The following CLIP2 variants were observed in gnomAD, a reference collection of about 807,000 sequenced individuals.
CLIP2 encodes CAP-Gly domain containing linker protein 2.
CLIP2 carries 41 observed loss-of-function variants against 111.7 expected under a neutral mutation model. The ratio of observed to expected loss-of-function variants is 0.37; its 90% CI spans 0.29 to 0.48. The LOEUF is 0.48. CLIP2 is among the 20% of genes least tolerant of loss of function. The pLI is 0.99. For missense variants in CLIP2, 1,160 were observed against 1,422.1 expected (o/e 0.82, Z 2.96); for synonymous variants, 660 against 644.2 (o/e 1.02, Z -0.37).
chr7:74,308,275 C>T (rs229883), intron 1 of CLIP2, among the ~76,000 whole-genome samples: 90,483 of 151,866 alleles, frequency 0.6, 29,620 homozygotes, highest in Non-Finnish European at 0.74. Flanking sequence ...GCCTCCAGTG[C>T]CAGGGACAGG....
intron 3 of CLIP2, among the ~76,000 whole-genome samples, chr7:74,342,616 G>T (rs567380593): frequency 1.5e-4 from 23 of 151,976 alleles, no homozygotes; most frequent in Non-Finnish European, 2.9e-4. Flanking sequence ...ATCGGAGGAG[G>T]CAAGAGTGGA....
At chr7:74,302,102 CTG>C (rs1268842567) in intron 1 of CLIP2, among the ~76,000 whole-genome samples, 4 of 152,096 alleles carry the variant, frequency 2.6e-5, no homozygotes, top group South Asian at 2.1e-4. Flanking sequence ...CATGCCAACT[CTG>C]TGTGTGTGTC....
intron 3 of CLIP2, among the ~76,000 whole-genome samples, chr7:74,343,209 A>G (rs1281325099): frequency 6.6e-6 from 1 of 151,712 alleles, no homozygotes; most frequent in Non-Finnish European, 1.5e-5. Context: ...CAAGAAAAAA[A>G]CCCAGAGTGG....
chr7:74,403,228 AAAAAG>A (rs1300187390), intron 16 of CLIP2, among the ~76,000 whole-genome samples: 8 of 151,684 alleles, frequency 5.3e-5, no homozygotes, highest in African/African-American at 1.4e-4. Context: ...AAAAAAAAAA[AAAAAG>A]AGAGAGAGAT....
At chr7:74,339,948 G>T (rs1166649019) in intron 3 of CLIP2, among the ~76,000 whole-genome samples, 1 of 151,992 alleles carries the variant, frequency 6.6e-6, no homozygotes, top group South Asian at 2.1e-4. Context: ...AACAAAATTA[G>T]CCAGGCATGG....
intron 8 of CLIP2, among the ~76,000 whole-genome samples, chr7:74,366,807 C>T (rs915872825): frequency 2.2e-5 from 3 of 137,968 alleles, no homozygotes; most frequent in Non-Finnish European, 3.1e-5. Flanking sequence ...AATTGGGAGG[C>T]GGCAGTTACA....
At chr7:74,328,242 T>A (rs1451029465) in intron 2 of CLIP2, among the ~76,000 whole-genome samples, 1 of 152,096 alleles carries the variant, frequency 6.6e-6, no homozygotes, top group Middle Eastern at 3.2e-3. Flanking sequence ...GGAGGGAAAG[T>A]GGCCTCTTCA....
chr7:74,362,042 A>C (rs1562710472), intron 7 of CLIP2, among the ~76,000 whole-genome samples: 1 of 151,482 alleles, frequency 6.6e-6, no homozygotes, highest in Non-Finnish European at 1.5e-5. Flanking sequence ...TGGAGGTTGC[A>C]GTGAACCGAG....
chr7:74,340,475 C>T (rs112764394), intron 3 of CLIP2, among the ~76,000 whole-genome samples: 122 of 152,292 alleles, frequency 8.0e-4, no homozygotes, highest in African/African-American at 2.7e-3. Context: ...TTATCAGCTA[C>T]AACTCGAGTG....
chr7:74,350,128 A>G (rs943508449), intron 3 of CLIP2, among the ~76,000 whole-genome samples: 1 of 152,058 alleles, frequency 6.6e-6, no homozygotes, highest in African/African-American at 2.4e-5. Flanking sequence ...ATCTCAGCTC[A>G]CTGCAACCTC....
At chr7:74,301,824 TGCCTCAGCCTCCC>T (rs1172447369) in intron 1 of CLIP2, among the ~76,000 whole-genome samples, 1 of 151,948 alleles carries the variant, frequency 6.6e-6, no homozygotes, top group East Asian at 1.9e-4. Context: ...GTGATCCTCC[TGCCTCAGCCTCCC>T]AAGTAGCTAG....
At chr7:74,388,381 T>C (rs1791181040) in intron 12 of CLIP2, among the ~76,000 whole-genome samples, 1 of 151,884 alleles carries the variant, frequency 6.6e-6, no homozygotes, top group African/African-American at 2.4e-5. Context: ...GCACCTGTAA[T>C]CTCAGCTACT....
Position 74,318,759 on chromosome 7 carries a change from T to C in CLIP2, c.121+1092T>C, listed in dbSNP as rs143176522. ...TGTTACTTATCACTTTGATAAATGA[T>C]GCTGTGATGAACATCTTTGTGCACA... On this transcript the variant is annotated intron_variant, in intron 2 of 16. Transcript: ENST00000223398. Among the ~76,000 whole-genome samples the C allele has an allele frequency of 5.3e-3, 809 of 152,318 alleles. 6 individuals are homozygous for C. The highest frequency in any genetic ancestry group is 0.041 in the Middle Eastern group (12 of 294).
chr7:74,354,579 C>T (rs1790097312), intron 4 of CLIP2, among the ~76,000 whole-genome samples: 1 of 152,072 alleles, frequency 6.6e-6, no homozygotes, highest in Admixed American at 6.6e-5. Context: ...CGCACCACTG[C>T]ACTCCAGCCT....
chr7:74,334,012 C>T (rs919937095), intron 2 of CLIP2, among the ~76,000 whole-genome samples: 12 of 152,090 alleles, frequency 7.9e-5, no homozygotes, highest in Admixed American at 2.0e-4. Context: ...TGGGAGGAGA[C>T]GTAGGACATG....
intron 2 of CLIP2, among the ~76,000 whole-genome samples, chr7:74,319,052 C>G (rs1788873040): frequency 6.6e-6 from 1 of 152,166 alleles, no homozygotes; most frequent in African/African-American, 2.4e-5. Context: ...CTGCCCAGTG[C>G]AGCCTTGTGA....
At chr7:74,337,149 A>G (rs1386286991) in intron 2 of CLIP2, among the ~76,000 whole-genome samples, 1 of 151,762 alleles carries the variant, frequency 6.6e-6, no homozygotes, top group African/African-American at 2.4e-5. Flanking sequence ...CAGCCTCCCA[A>G]AGTGCTGGGA....
intron 6 of CLIP2, among the ~76,000 whole-genome samples, chr7:74,358,719 G>A (rs940703901): frequency 2.0e-5 from 3 of 151,668 alleles, no homozygotes; most frequent in Non-Finnish European, 2.9e-5. Flanking sequence ...ATAGGTGCAC[G>A]CTACCACATC....
chr7:74,293,942 G>A (rs1386764800), intron 1 of CLIP2, among the ~76,000 whole-genome samples: 2 of 151,400 alleles, frequency 1.3e-5, no homozygotes, highest in African/African-American at 4.9e-5. Context: ...TTGAGATGGA[G>A]TTTCGCTCTT....
Sources: allele counts gnomAD v4.1 joint callset (sites outside exome capture counted in the v4.1 genomes callset), GRCh38; gene constraint gnomAD v4.1.1; transcripts MANE v1.5; gene names NCBI Gene and HGNC (gene_info 2026-07-23, HGNC 2026-07-21).